The following CHMP4B variants were observed in gnomAD, a reference collection of about 807,000 sequenced individuals.
The protein encoded by CHMP4B is charged multivesicular body protein 4B.
Under a neutral mutation model 25.1 loss-of-function variants are expected in CHMP4B, and 1 was observed. The ratio of observed to expected loss-of-function variants is 0.04; its 90% CI spans 0.01 to 0.19. The LOEUF is 0.19. Ranked by LOEUF, CHMP4B falls within the 10% of genes least tolerant of loss-of-function variation. CHMP4B has a pLI of 1.00. For missense variants in CHMP4B, 151 were observed against 289.7 expected, an observed-to-expected ratio of 0.52 and a Z score of 3.48; for synonymous variants, 101 against 115.6, an observed-to-expected ratio of 0.87 and a Z score of 0.81.
intron 1 of CHMP4B, among the ~76,000 whole-genome samples, chr20:33,835,443 G>A (rs1219252108): frequency 6.6e-6 from 1 of 151,984 alleles, no homozygotes; most frequent in Non-Finnish European, 1.5e-5. Context: ...CCTCCTTTGG[G>A]GACTCCAGTT....
At chr20:33,812,421 A>C (rs1348846145) in intron 1 of CHMP4B, among the ~76,000 whole-genome samples, 1 of 152,138 alleles carries the variant, frequency 6.6e-6, no homozygotes, top group Non-Finnish European at 1.5e-5. Flanking sequence ...TCTGAACCAG[A>C]AATAGAGACT....
intron 1 of CHMP4B, among the ~76,000 whole-genome samples, chr20:33,813,636 T>G (rs1224685041): frequency 6.6e-6 from 1 of 152,224 alleles, no homozygotes; most frequent in Non-Finnish European, 1.5e-5. Context: ...GCTTTCTGCA[T>G]TTTGGAATGC....
At chr20:33,822,295 C>T (rs925802970) in intron 1 of CHMP4B, among the ~76,000 whole-genome samples, 1 of 152,036 alleles carries the variant, frequency 6.6e-6, no homozygotes, top group Non-Finnish European at 1.5e-5. Flanking sequence ...AGGCACGTGC[C>T]AGCACACCCA....
At chr20:33,827,423 C>T (rs1211683400) in intron 1 of CHMP4B, among the ~76,000 whole-genome samples, 2 of 152,228 alleles carry the variant, frequency 1.3e-5, no homozygotes, top group Non-Finnish European at 2.9e-5. Flanking sequence ...GTAGCTCAGC[C>T]TTCATCTTAT....
rs1979088340 is a variant in CHMP4B, at chr20:33,826,133, G to A, written c.190+14475G>A. ...CATAACTCTCCGTAAAATAAGGCACGCCTACCATTGGTATTCAGTCAAAGT... is the reference window on the plus strand; with the variant it reads ...CATAACTCTCCGTAAAATAAGGCACACCTACCATTGGTATTCAGTCAAAGT... On this transcript the variant is annotated intron_variant, in intron 1 of 4. Coordinates refer to ENST00000217402, the MANE Select transcript of CHMP4B (RefSeq NM_176812.5). 3.3e-5 allele frequency among the ~76,000 whole-genome samples: 5 copies of A among 152,164 alleles called. No individual in the cohort carries two copies. The South Asian group carries it at 8.3e-4, about 25-fold the overall frequency.
chr20:33,822,513 A>G (rs895091575), intron 1 of CHMP4B, among the ~76,000 whole-genome samples: 3 of 152,206 alleles, frequency 2.0e-5, no homozygotes, highest in Non-Finnish European at 2.9e-5. Flanking sequence ...TCCCTTTAGA[A>G]TTTTGCACAT....
chr20:33,841,880 C>T (rs766781556), intron 1 of CHMP4B, among the ~76,000 whole-genome samples: 9 of 152,092 alleles, frequency 5.9e-5, no homozygotes, highest in South Asian at 4.1e-4. Flanking sequence ...CCTTATGGCA[C>T]GGGGAACTGC....
chr20:33,833,751 C>T (rs1287040352), intron 1 of CHMP4B, among the ~76,000 whole-genome samples: 3 of 152,116 alleles, frequency 2.0e-5, no homozygotes, highest in African/African-American at 7.2e-5. Context: ...TCTCTCCTAC[C>T]ATCCTTTAAA....
At chr20:33,811,923 C>T (rs1221402345) in intron 1 of CHMP4B, among the ~76,000 whole-genome samples, 1 of 152,174 alleles carries the variant, frequency 6.6e-6, no homozygotes, top group Admixed American at 6.5e-5. Flanking sequence ...AATCTCACAG[C>T]ACTTTCCTCC....
chr20:33,813,185 A>T (rs1978687621), intron 1 of CHMP4B, among the ~76,000 whole-genome samples: 1 of 151,080 alleles, frequency 6.6e-6, no homozygotes, highest in Non-Finnish European at 1.5e-5. Flanking sequence ...TGGGCGTGGA[A>T]AGCAGCATGG....
chr20:33,852,268 G>A (rs1979875642), intron 4 of CHMP4B, 65 bp downstream of exon 4: 20 of 1,601,272 alleles, frequency 1.2e-5, no homozygotes, highest in Non-Finnish European at 1.7e-5. Context: ...TGGTCGGTTG[G>A]CTTTGGTTTG....
chr20:33,848,837 A>G (rs1979760496), intron 2 of CHMP4B, among the ~76,000 whole-genome samples, 193 bp downstream of exon 2: 1 of 152,168 alleles, frequency 6.6e-6, no homozygotes, highest in Non-Finnish European at 1.5e-5. Flanking sequence ...TGGGATGTAA[A>G]AGTACTTTCT....
intron 1 of CHMP4B, among the ~76,000 whole-genome samples, chr20:33,839,104 T>C (rs1979466015): frequency 6.6e-6 from 1 of 152,146 alleles, no homozygotes; most frequent in South Asian, 2.1e-4. Context: ...GTTCTAGCAA[T>C]TCCAGTGTGG....
chr20:33,838,765 C>T (rs1342510917), intron 1 of CHMP4B, among the ~76,000 whole-genome samples: 4 of 152,112 alleles, frequency 2.6e-5, no homozygotes, highest in Admixed American at 1.3e-4. Flanking sequence ...CTGGTTTCCC[C>T]CTCCTGGCTC....
chr20:33,853,593 T>G lies in CHMP4B; in HGVS notation c.*33T>G. The stretch of plus-strand genomic sequence containing the variant: ...CAGCGCTGGCTGGGCCCAGACAGAC[T>G]GTGGTGGCCTGCGCAGCGAGCAGGC... On this transcript the variant is annotated 3_prime_UTR_variant, in exon 5 of 5. Coordinates refer to ENST00000217402, the MANE Select transcript of CHMP4B (RefSeq NM_176812.5). 1 of 1,593,598 alleles carries G rather than the reference T, an allele frequency of 6.3e-7. No individual in the cohort carries two copies. Among genetic ancestry groups the G allele is most frequent in the East Asian group, 2.2e-5 (1 of 44,740 alleles).
chr20:33,811,746 G>T, intron 1 of CHMP4B, 88 bp downstream of exon 1: 1 of 1,363,938 alleles, frequency 7.3e-7, no homozygotes, highest in East Asian at 2.4e-5. Flanking sequence ...CTCGCCTCGG[G>T]GTCTGGTCTG....
chr20:33,845,835 G>A (rs963917348), intron 1 of CHMP4B, among the ~76,000 whole-genome samples: 3 of 152,156 alleles, frequency 2.0e-5, no homozygotes, highest in East Asian at 3.9e-4. Flanking sequence ...GCAGCCCCAC[G>A]CCCTGGGGCA....
chr20:33,837,043 G>T (rs1404338224), intron 1 of CHMP4B, among the ~76,000 whole-genome samples: 2 of 152,122 alleles, frequency 1.3e-5, no homozygotes, highest in African/African-American at 4.8e-5. Context: ...TGTAAAATTG[G>T]CTAGTAAGAC....
At chr20:33,853,024 A>G (rs762313086) in intron 4 of CHMP4B, among the ~76,000 whole-genome samples, 1 of 152,184 alleles carries the variant, frequency 6.6e-6, no homozygotes, top group Non-Finnish European at 1.5e-5. Context: ...TCTCCCATGT[A>G]TAAAGAGGGA....
Sources: allele counts gnomAD v4.1 joint callset (sites outside exome capture counted in the v4.1 genomes callset), GRCh38; gene constraint gnomAD v4.1.1; transcripts MANE v1.5; gene names NCBI Gene and HGNC (gene_info 2026-07-23, HGNC 2026-07-21).